The following MAGEC1 variants were observed in gnomAD, a reference collection of about 807,000 sequenced individuals.
The protein encoded by MAGEC1 is MAGE family member C1.
MAGEC1 carries 3 observed loss-of-function variants against 1.5 expected under a neutral mutation model. The ratio of observed to expected loss-of-function variants is 1.97; its 90% CI spans 0.90 to 5.10. MAGEC1 has a LOEUF of 5.10. Among genes scored for constraint, MAGEC1 ranks in the 30% most tolerant of loss-of-function variants. The pLI is 0.02. For synonymous variants in MAGEC1, 357 were observed against 310.4 expected (o/e 1.15, Z -1.58); for missense variants, 985 against 803.1 (o/e 1.23, Z -2.74).
In MAGEC1 at chrX:141,908,542, A is replaced by G. The variant is rs753057119; in HGVS notation, c.3138A>G (p.Lys1046=). The G allele has an allele frequency of 8.4e-7, 1 of 1,194,512 alleles. No homozygotes were observed. Among genetic ancestry groups the G allele is most frequent in the Admixed American group, 2.2e-5 (1 of 44,559 alleles). The change falls in exon 4 of 4, where the codon AAA becomes AAG. Residue 1046 remains lysine (K), a synonymous_variant. Transcript: ENST00000285879. ...GGGAGCCCAGGGAGCTCCTCACTAA[A>G]GTTTGGGTGCAGGAACATTACCTAG... ...AFGEPRELLT[K]VWVQEHYLEY...
chrX:141,904,904 A>G, intron 2 of MAGEC1, 66 bp from the exon 3 acceptor site: 1 of 739,888 alleles, frequency 1.4e-6, no homozygotes, highest in Admixed American at 2.7e-5. Context: ...ACCCACTGTC[A>G]TTCCTGGTGC....
Position 141,906,828 on chromosome X carries a change from A to G in MAGEC1, c.1424A>G (p.Gln475Arg). The G allele has an allele frequency of 8.3e-7, 1 of 1,206,637 alleles. No homozygotes were observed. The highest frequency in any genetic ancestry group is 1.1e-6 in the Non-Finnish European group (1 of 893,545). The change falls in exon 4 of 4, where the codon CAG becomes CGG. Residue 475 changes from glutamine (Q) to arginine (R), a missense_variant. Coordinates refer to ENST00000285879, the MANE Select transcript of MAGEC1 (RefSeq NM_005462.5). ...CACAGTACTTTTGAGGGTTTTCCCC[A>G]GTCTCCTCTCCAGATTCCTGTGAGC... ...RTHSTFEGFP[Q>R]SPLQIPVSSS...
Position 141,908,390 on chromosome X carries a change from C to T in MAGEC1, c.2986C>T (p.Gln996Ter), listed in dbSNP as rs764965838. 5 of 1,209,198 alleles carry T rather than the reference C, an allele frequency of 4.1e-6. No individual in the cohort carries two copies. The highest frequency in any genetic ancestry group is 1.8e-5 in the African/African-American group (1 of 56,942). Residue 996 changes from glutamine to a stop codon, truncating the protein, a stop_gained, in exon 4 of 4, where the codon CAG becomes TAG. Coordinates refer to ENST00000285879, the MANE Select transcript of MAGEC1 (RefSeq NM_005462.5). LOFTEE classifies it low-confidence loss of function (END_TRUNC). ...GCLSDEQGMS[Q>*]NRLLILILSI... ...TCTGAGTGATGAGCAGGGCATGTCC[C>T]AGAACCGCCTCCTGATTCTTATTCT... is the stretch of plus-strand genomic sequence containing the variant.
At chrX:141,904,626 G>C (rs1444376998) in intron 1 of MAGEC1, 91 bp from the exon 2 acceptor site, 2 of 148,573 alleles carry the variant, frequency 1.3e-5, no homozygotes, top group African/African-American at 6.2e-5. Flanking sequence ...ATTCTGAGGG[G>C]GTCACGAACC....
In MAGEC1 at chrX:141,905,911, C is replaced by T. The variant is rs1306749287; in HGVS notation, c.507C>T (p.Ala169=). The part of the protein sequence containing the change: ...PQSVLQIPVS[A]ASSSTLVSIF... ...CTGTTCTCCAGATTCCTGTGAGCGC[C>T]GCCTCCTCCTCCACTTTAGTGAGTA... The change falls in exon 4 of 4, where the codon GCC becomes GCT. Residue 169 remains alanine, a synonymous_variant. Coordinates refer to ENST00000285879, the MANE Select transcript of MAGEC1 (RefSeq NM_005462.5). 1.1e-5 allele frequency: 13 copies of T among 1,195,172 alleles called. No homozygotes were observed. Among genetic ancestry groups the T allele is most frequent in the African/African-American group, 7.1e-5 (4 of 56,434 alleles).
chrX:141,908,320 C>G lies in MAGEC1; in HGVS notation c.2916C>G (p.Asp972Glu). The change falls in exon 4 of 4, where the codon GAC becomes GAG. Residue 972 changes from aspartate (D) to glutamate (E), a missense_variant. Asp to Glu is a conservative substitution (Grantham distance 45, BLOSUM62 2). Coordinates refer to ENST00000285879, the MANE Select transcript of MAGEC1 (RefSeq NM_005462.5). ...CCCTGAGAGAAGTGGACCCTGATGA[C>G]TCCTATGTCTTTGTAAACACATTAG... Reference protein sequence around the residue: ...GISLREVDPDDSYVFVNTLDL... With the variant: ...GISLREVDPDESYVFVNTLDL... 1.7e-6 allele frequency: 2 copies of G among 1,211,547 alleles called. No individual in the cohort carries two copies. The highest frequency in any genetic ancestry group is 2.2e-6 in the Non-Finnish European group (2 of 895,502).
rs141172739 is a variant in MAGEC1, at chrX:141,908,573, C to T, written c.3169C>T (p.Arg1057Trp). ...VWVQEHYLEY[R>W]EVPNSSPPRY... ...GGTGCAGGAACATTACCTAGAGTACCGGGAGGTGCCCAACTCTTCTCCTCC... is the reference window on the plus strand; with the variant it reads ...GGTGCAGGAACATTACCTAGAGTACTGGGAGGTGCCCAACTCTTCTCCTCC... The change falls in exon 4 of 4, where the codon CGG becomes TGG. Residue 1057 changes from arginine (R) to tryptophan (W), a missense_variant. Transcript: ENST00000285879. The T allele has an allele frequency of 8.9e-4, 1,067 of 1,200,873 alleles. 5 individuals carry two copies. The African/African-American group carries it at 0.017, about 19-fold the overall frequency.
intron 1 of MAGEC1, among the ~76,000 whole-genome samples, chrX:141,904,506 A>G (rs1233113523): frequency 1.8e-5 from 2 of 111,231 alleles, no homozygotes; most frequent in South Asian, 7.6e-4. Flanking sequence ...CTGCCACCTC[A>G]CTACCTCCCA....
At chrX:141,904,925 G>T in intron 2 of MAGEC1, 45 bp from the exon 3 acceptor site, 1 of 900,142 alleles carries the variant, frequency 1.1e-6, no homozygotes, top group African/African-American at 1.9e-5. Flanking sequence ...CTCAGGCTCT[G>T]CCTGCCAGCT....
chrX:141,909,146 CCTT>C lies in MAGEC1; in HGVS notation c.*316_*318del, dbSNP rs1252500547. Reference sequence around the variant, plus strand: ...ACCCAAACACACCACATTGGGAAAACCTTCTGCCTCATTTTGTGATGTGTCACA... The same window carrying C: ...ACCCAAACACACCACATTGGGAAAACCTGCCTCATTTTGTGATGTGTCACA... On this transcript the variant is annotated 3_prime_UTR_variant, in exon 4 of 4. Coordinates refer to ENST00000285879, the MANE Select transcript of MAGEC1 (RefSeq NM_005462.5). 2 of 183,656 alleles carry C rather than the reference CCTT, an allele frequency of 1.1e-5. No homozygotes were observed. Among genetic ancestry groups the C allele is most frequent in the Non-Finnish European group, 2.0e-5 (2 of 99,528 alleles). 15.1% of individuals were successfully genotyped at this position (183,656 alleles called of 1,213,427 possible).
chrX:141,907,775 C>A lies in MAGEC1; in HGVS notation c.2371C>A (p.Leu791Ile), dbSNP rs771289655. The change falls in exon 4 of 4, where the codon CTC becomes ATC. Residue 791 changes from leucine to isoleucine, a missense_variant. Coordinates refer to ENST00000285879, the MANE Select transcript of MAGEC1 (RefSeq NM_005462.5). ...CTTCTCCTACACTTTAGCGAGTCTT[C>A]TCCAAAGTTCCCATGAGAGTCCTCA... ...SFFSYTLASL[L>I]QSSHESPQSP... The A allele has an allele frequency of 8.3e-7, 1 of 1,206,810 alleles. No individual in the cohort carries two copies. The highest frequency in any genetic ancestry group is 1.8e-5 in the African/African-American group (1 of 56,272).
At position 141,905,537 on chromosome X, in the gene MAGEC1, G is replaced by A. The variant is rs1341215053; in HGVS notation, c.133G>A (p.Asp45Asn). The change falls in exon 4 of 4, where the codon GAC becomes AAC. Residue 45 changes from aspartate (D) to asparagine (N), a missense_variant. Transcript: ENST00000285879. ...LQIPQSSPES[D>N]DTLYPLQSPQ... ...GATTCCCCAGAGTTCTCCTGAGAGC[G>A]ACGACACCCTGTATCCTCTCCAGAG... is the stretch of plus-strand genomic sequence containing the variant. The A allele has an allele frequency of 6.6e-6, 8 of 1,209,845 alleles. No individual in the cohort carries two copies. Among genetic ancestry groups the A allele is most frequent in the South Asian group, 3.5e-5 (2 of 56,849 alleles).
rs77214665 is a variant in MAGEC1 at position 141,905,889 on chromosome X, T to G, written c.485T>G (p.Val162Gly). The change falls in exon 4 of 4, where the codon GTT becomes GGT. Residue 162 changes from valine to glycine, a missense_variant. Transcript: ENST00000285879. ...CCTTTTGAGGGTTTTCCCCAGTCTG[T>G]TCTCCAGATTCCTGTGAGCGCCGCC... ...QSPFEGFPQS[V>G]LQIPVSAASS... 1.9e-5 allele frequency: 22 copies of G among 1,185,270 alleles called. No homozygotes were observed. The highest frequency in any genetic ancestry group is 2.5e-5 in the Non-Finnish European group (22 of 884,258).
In MAGEC1 at chrX:141,906,944, C is replaced by T. The variant is rs768713352; in HGVS notation, c.1540C>T (p.Leu514Phe). Residue 514 changes from leucine (L) to phenylalanine (F), a missense_variant, in exon 4 of 4, where the codon CTC becomes TTC. Coordinates refer to ENST00000285879, the MANE Select transcript of MAGEC1 (RefSeq NM_005462.5). Reference sequence around the variant, plus strand: ...TTTTGAGGGTTTTCCCCAGTCTCCTCTCCAGATTCCTCAGAGTCCTCCTGA... The same window carrying T: ...TTTTGAGGGTTTTCCCCAGTCTCCTTTCCAGATTCCTCAGAGTCCTCCTGA... Reference protein sequence around the residue: ...STFEGFPQSPLQIPQSPPEGE... With the variant: ...STFEGFPQSPFQIPQSPPEGE... 1.1e-5 allele frequency: 13 copies of T among 1,210,934 alleles called. No individual in the cohort carries two copies. Among genetic ancestry groups the T allele is most frequent in the Admixed American group, 8.7e-5 (4 of 45,962 alleles).
In MAGEC1 at chrX:141,907,378, T is replaced by C; in HGVS notation, c.1974T>C (p.Ser658=). Reference sequence around the variant, plus strand: ...GTCCTCCTGAGGGGCCTGTCCAGTCTCCTCTCCATAGTCCTCAGAGCCCTC... The same window carrying C: ...GTCCTCCTGAGGGGCCTGTCCAGTCCCCTCTCCATAGTCCTCAGAGCCCTC... ...SQSPPEGPVQ[S]PLHSPQSPPE... The change falls in exon 4 of 4, where the codon TCT becomes TCC. Residue 658 remains serine, a synonymous_variant. Coordinates refer to ENST00000285879, the MANE Select transcript of MAGEC1 (RefSeq NM_005462.5). 8.3e-7 allele frequency: 1 copy of C among 1,205,414 alleles called. No homozygotes were observed. Among genetic ancestry groups the C allele is most frequent in the Non-Finnish European group, 1.1e-6 (1 of 893,279 alleles).
rs138405751 is a variant in MAGEC1, at chrX:141,908,428, C to T, written c.3024C>T (p.Phe1008=). The change falls in exon 4 of 4, where the codon TTC becomes TTT. Residue 1008 remains phenylalanine, a synonymous_variant. Transcript: ENST00000285879. ...TGATTCTTATTCTGAGTATCATCTTCATAAAGGGCACCTATGCCTCTGAGG... is the reference window on the plus strand; with the variant it reads ...TGATTCTTATTCTGAGTATCATCTTTATAAAGGGCACCTATGCCTCTGAGG... The part of the protein sequence containing the change: ...RLLILILSII[F]IKGTYASEEV... The T allele has an allele frequency of 4.6e-4, 557 of 1,208,724 alleles. 1 individual carries two copies. Among genetic ancestry groups the T allele is most frequent in the Non-Finnish European group, 4.3e-4 (386 of 894,889 alleles).
chrX:141,907,778 C>T lies in MAGEC1; in HGVS notation c.2374C>T (p.Gln792Ter). The T allele has an allele frequency of 8.3e-7, 1 of 1,209,655 alleles. No individual in the cohort carries two copies. The highest frequency in any genetic ancestry group is 1.1e-6 in the Non-Finnish European group (1 of 894,810). The change falls in exon 4 of 4, where the codon CAA becomes TAA. Residue 792 changes from glutamine to a stop codon, truncating the protein, a stop_gained. Coordinates refer to ENST00000285879, the MANE Select transcript of MAGEC1 (RefSeq NM_005462.5). LOFTEE classifies it low-confidence loss of function (END_TRUNC). Reference sequence around the variant, plus strand: ...CTCCTACACTTTAGCGAGTCTTCTCCAAAGTTCCCATGAGAGTCCTCAGAG... The same window carrying T: ...CTCCTACACTTTAGCGAGTCTTCTCTAAAGTTCCCATGAGAGTCCTCAGAG... ...FFSYTLASLL[Q>*]SSHESPQSPP...
chrX:141,904,591 G>C (rs1172947406), intron 1 of MAGEC1, 126 bp from the exon 2 acceptor site: 1 of 130,641 alleles, frequency 7.7e-6, no homozygotes, highest in African/African-American at 3.2e-5. Flanking sequence ...GGCCCTGTCT[G>C]AGAAAATGTG....
At position 141,905,621 on chromosome X, in the gene MAGEC1, G is replaced by A. The variant is rs151218700; in HGVS notation, c.217G>A (p.Gly73Arg). Reference sequence around the variant, plus strand: ...GGATCCTCTCCAGAGACCTCCTGAGGGGAAGGACTCCCAGTCTCCTCTCCA... The same window carrying A: ...GGATCCTCTCCAGAGACCTCCTGAGAGGAAGGACTCCCAGTCTCCTCTCCA... Reference protein sequence around the residue: ...SSDPLQRPPEGKDSQSPLQIP... With the variant: ...SSDPLQRPPERKDSQSPLQIP... The change falls in exon 4 of 4, where the codon GGG becomes AGG. Residue 73 changes from glycine to arginine, a missense_variant. Physicochemically the swap from Gly to Arg is moderately radical, Grantham distance 125. Coordinates refer to ENST00000285879, the MANE Select transcript of MAGEC1 (RefSeq NM_005462.5). 6.6e-5 allele frequency: 80 copies of A among 1,206,680 alleles called. No individual in the cohort carries two copies. The African/African-American group carries it at 1.3e-3, about 19-fold the overall frequency.
Sources: allele counts gnomAD v4.1 joint callset (sites outside exome capture counted in the v4.1 genomes callset), GRCh38; gene constraint gnomAD v4.1.1; transcripts MANE v1.5; gene names NCBI Gene and HGNC (gene_info 2026-07-23, HGNC 2026-07-21).